EPB41L3: variants seen among roughly 807,000 people sequenced by gnomAD.
EPB41L3 encodes the protein band 4.1-like protein 3.
Under a neutral mutation model 127.1 loss-of-function variants are expected in EPB41L3, and 57 were observed. That is an observed-to-expected ratio of 0.45 (90% CI 0.36 to 0.56). The LOEUF is 0.56. Among genes scored for constraint, EPB41L3 ranks in the 20% least tolerant of loss-of-function variants. The pLI is 0.00. For missense variants in EPB41L3, 1,273 were observed against 1,372.2 expected (o/e 0.93, Z 1.14); for synonymous variants, 572 against 549.5 (o/e 1.04, Z -0.57).
intron 1 of EPB41L3, among the ~76,000 whole-genome samples, chr18:5,536,717 C>T (rs1004085477): frequency 6.6e-6 from 1 of 151,646 alleles, no homozygotes; most frequent in African/African-American, 2.4e-5. Flanking sequence ...GAGGCTGAGG[C>T]AGGAGACTCG....
chr18:5,566,049 T>C (rs555061866), intron 3 of EPB41L3, among the ~76,000 whole-genome samples: 3 of 152,246 alleles, frequency 2.0e-5, no homozygotes, highest in African/African-American at 7.2e-5. Flanking sequence ...CTTTGAAAAC[T>C]GGCACAAGAC....
chr18:5,474,591 G>A (rs572010289), intron 3 of EPB41L3, among the ~76,000 whole-genome samples: 2 of 152,178 alleles, frequency 1.3e-5, no homozygotes, highest in Admixed American at 1.3e-4. Flanking sequence ...CATTCAATAT[G>A]CCATGGAGAA....
chr18:5,630,436 A>G (rs1396391272), upstream of EPB41L3: 1 of 518,834 alleles, frequency 1.9e-6, no homozygotes, highest in Non-Finnish European at 3.8e-6. Context: ...GCCCGCAGGC[A>G]CAACCTTCCT....
Position 5,393,387 on chromosome 18 carries a change from C to T in EPB41L3, c.*98G>A, listed in dbSNP as rs531145541. On this transcript the variant is annotated 3_prime_UTR_variant, in exon 23 of 23. Transcript: ENST00000341928. ...GACTGAAATTTTCCACGGACAGATA[C>T]AAGTCAGTTGGGTTAGAAGAGGGAA... is the stretch of plus-strand genomic sequence containing the variant. 235 of 653,566 alleles carry T rather than the reference C, an allele frequency of 3.6e-4. 1 individual carries two copies. The highest frequency in any genetic ancestry group is 1.7e-3 in the Middle Eastern group (7 of 4,158). The allele number at this position is 653,566 out of a possible 1,614,324, so 40.5% of individuals were successfully genotyped here.
intron 22 of EPB41L3, 124 bp from the exon 23 acceptor site, chr18:5,393,602 C>T: frequency 1.6e-6 from 1 of 621,130 alleles, no homozygotes; most frequent in Non-Finnish European, 2.9e-6. Flanking sequence ...CCATGACATT[C>T]CAGCGTTAAG....
chr18:5,568,750 T>C (rs2094240713), intron 3 of EPB41L3, among the ~76,000 whole-genome samples: 2 of 152,180 alleles, frequency 1.3e-5, no homozygotes, highest in Non-Finnish European at 2.9e-5. Context: ...CTAAGGCCCA[T>C]AGTTTCAGAC....
chr18:5,591,923 G>A (rs2094489837), intron 3 of EPB41L3, among the ~76,000 whole-genome samples: 1 of 152,050 alleles, frequency 6.6e-6, no homozygotes, highest in African/African-American at 2.4e-5. Flanking sequence ...CAACTGCTGG[G>A]TCAACTGTTG....
intron 3 of EPB41L3, among the ~76,000 whole-genome samples, chr18:5,567,899 T>C (rs192487465): frequency 6.6e-6 from 1 of 152,280 alleles, no homozygotes; most frequent in African/African-American, 2.4e-5. Flanking sequence ...AGAATATTTT[T>C]TAAAACTGAG....
At chr18:5,393,690 T>A in intron 22 of EPB41L3, 1 of 450,146 alleles carries the variant, frequency 2.2e-6, no homozygotes, top group Non-Finnish European at 3.9e-6. Context: ...GAAATCTGTT[T>A]TATTTTTTTT....
chr18:5,552,005 C>T (rs2093973026), intron 3 of EPB41L3, among the ~76,000 whole-genome samples: 1 of 152,166 alleles, frequency 6.6e-6, no homozygotes, highest in South Asian at 2.1e-4. Flanking sequence ...AAAGCACATA[C>T]TTAAATTGAA....
chr18:5,507,374 T>C (rs2092275823), intron 1 of EPB41L3, among the ~76,000 whole-genome samples: 1 of 152,132 alleles, frequency 6.6e-6, no homozygotes, highest in Admixed American at 6.5e-5. Flanking sequence ...GGATTAACAA[T>C]AAAAGCCAAA....
At position 5,478,259 on chromosome 18, in the gene EPB41L3, T is replaced by A. The variant is rs1568352005; in HGVS notation, c.363A>T (p.Glu121Asp). ...CACTTACCTCTACATCACAGGTATA[T>A]TCTGATCCATCGAGAAGTATCACTT... ...QCKVILLDGS[E>D]YTCDVEKRSR... Residue 121 changes from glutamate (E) to aspartate (D), a missense_variant, in exon 3 of 23, where the codon GAA (glutamate) becomes GAT (aspartate). Physicochemically the swap from Glu to Asp is conservative, Grantham distance 45. This residue lies in a region of EPB41L3 where 326 missense variants were observed against 440.2 expected (regional missense o/e 0.74). Transcript: ENST00000341928. The A allele has an allele frequency of 1.2e-6, 2 of 1,614,004 alleles. No individual in the cohort carries two copies. The highest frequency in any genetic ancestry group is 1.7e-6 in the Non-Finnish European group (2 of 1,179,842).
intron 11 of EPB41L3, among the ~76,000 whole-genome samples, chr18:5,420,643 A>G (rs1012283628): frequency 1.3e-5 from 2 of 152,246 alleles, no homozygotes; most frequent in Non-Finnish European, 2.9e-5. Context: ...AAAACATGCA[A>G]ACTCAAGAGA....
intron 8 of EPB41L3, among the ~76,000 whole-genome samples, chr18:5,431,721 C>G (rs2079030873): frequency 6.6e-6 from 1 of 152,114 alleles, no homozygotes; most frequent in African/African-American, 2.4e-5. Context: ...TTCAGATTCA[C>G]TCAAATTCTC....
intron 1 of EPB41L3, among the ~76,000 whole-genome samples, chr18:5,540,947 T>C (rs558988153): frequency 1.5e-4 from 22 of 151,534 alleles, no homozygotes; most frequent in South Asian, 1.0e-3. Flanking sequence ...TAGCCGGGCG[T>C]GGTGGCGGGC....
At chr18:5,546,171 CA>C, upstream of EPB41L3, among the ~76,000 whole-genome samples, 1 of 152,080 alleles carries the variant, frequency 6.6e-6, no homozygotes, top group African/African-American at 2.4e-5. Context: ...TGAAAATCAG[CA>C]ATAGTGTCTG....
chr18:5,628,153 G>A (rs186745783), intron 1 of EPB41L3, among the ~76,000 whole-genome samples: 1 of 152,336 alleles, frequency 6.6e-6, no homozygotes, highest in Admixed American at 6.5e-5. Context: ...AAGTCTTGCG[G>A]GGCCCGTCGG....
At chr18:5,552,594 G>C (rs1598925253) in intron 3 of EPB41L3, among the ~76,000 whole-genome samples, 1 of 152,156 alleles carries the variant, frequency 6.6e-6, no homozygotes, top group Admixed American at 6.5e-5. Flanking sequence ...TTCCCCAGGT[G>C]TGTTCAGGCA....
At chr18:5,477,771 T>C (rs2322100) in intron 3 of EPB41L3, among the ~76,000 whole-genome samples, 114,506 of 152,120 alleles carry the variant, frequency 0.75, 43,338 homozygotes, top group East Asian at 0.85. Flanking sequence ...CCACAACGTG[T>C]CTTTTAAAAA....
Sources: allele counts gnomAD v4.1 joint callset (sites outside exome capture counted in the v4.1 genomes callset), GRCh38; gene constraint gnomAD v4.1.1; regional missense constraint gnomAD v4.1.1; transcripts MANE v1.5; gene names NCBI Gene and HGNC (gene_info 2026-07-23, HGNC 2026-07-21).